Variants in RLN1 observed in about 807,000 individuals in gnomAD.
RLN1 encodes relaxin 1, also known as prorelaxin H1.
RLN1 carries 4 observed loss-of-function variants against 7.2 expected under a neutral mutation model. That is an observed-to-expected ratio of 0.56 (90% CI 0.28 to 1.28). The LOEUF (loss-of-function observed/expected upper bound fraction) is 1.28, where lower values mean the gene tolerates loss of function less well. RLN1 is among the 50% of genes most tolerant of loss of function. RLN1 has a pLI of 0.11. For synonymous variants in RLN1, 105 were observed against 86.0 expected (o/e 1.22, Z -1.22); for missense variants, 293 against 221.1 (o/e 1.32, Z -2.06).
intron 1 of RLN1, among the ~76,000 whole-genome samples, chr9:5,335,930 T>G (rs1157826444): frequency 6.6e-6 from 1 of 152,072 alleles, no homozygotes; most frequent in African/African-American, 2.4e-5. Flanking sequence ...TTGGAAACAG[T>G]TTGGCCACAC....
chr9:5,339,482 C>G, intron 1 of RLN1, 54 bp downstream of exon 1: 1 of 1,334,262 alleles, frequency 7.5e-7, no homozygotes, highest in Non-Finnish European at 1.0e-6. Context: ...GGCGGCCGCC[C>G]CAGAGTAACC....
At chr9:5,336,918 G>C (rs1816906704) in intron 1 of RLN1, among the ~76,000 whole-genome samples, 1 of 151,902 alleles carries the variant, frequency 6.6e-6, no homozygotes, top group African/African-American at 2.4e-5. Flanking sequence ...CCTGAGTTTT[G>C]TGGCAAAAGA....
At chr9:5,339,973 C>A, upstream of RLN1, 1 of 583,296 alleles carries the variant, frequency 1.7e-6, no homozygotes, top group Non-Finnish European at 3.1e-6. Context: ...AGCTCTTGTT[C>A]TGCCTCTCCG....
chr9:5,337,744 G>A (rs1816927827), intron 1 of RLN1, among the ~76,000 whole-genome samples: 2 of 151,956 alleles, frequency 1.3e-5, no homozygotes, highest in Admixed American at 1.3e-4. Flanking sequence ...GTTACTTTCA[G>A]TTAAATTATA....
chr9:5,339,314 T>TTCCC (rs1449092833), intron 1 of RLN1: 1 of 431,116 alleles, frequency 2.3e-6, no homozygotes, highest in East Asian at 3.6e-5. Context: ...TCTCAGTGCT[T>TTCCC]TCCCTCCGTC....
rs559618754 is a variant in RLN1 at position 5,337,383 on chromosome 9, C to G, written c.212-1786G>C. 7.2e-5 allele frequency among the ~76,000 whole-genome samples: 11 copies of G among 152,092 alleles called. No individual in the cohort carries two copies. In the South Asian group the frequency reaches 1.9e-3, roughly 26 times the overall value. On this transcript the variant is annotated intron_variant, in intron 1 of 1. Transcript: ENST00000223862. ...AACCTGTTTTGAAATATTTCATAAT[C>G]CATAACACTTTTAGCTATGGAACCT... is the stretch of plus-strand genomic sequence containing the variant.
intron 1 of RLN1, among the ~76,000 whole-genome samples, chr9:5,336,015 C>T (rs1053027408): frequency 1.4e-4 from 21 of 152,120 alleles, no homozygotes; most frequent in African/African-American, 4.6e-4. Context: ...TCTGATATTA[C>T]GAGTTGTAGT....
chr9:5,337,260 T>G (rs913706023), intron 1 of RLN1, among the ~76,000 whole-genome samples: 1 of 152,076 alleles, frequency 6.6e-6, no homozygotes, highest in Non-Finnish European at 1.5e-5. Context: ...TTCTGTATAC[T>G]TAAAGCCAGT....
In RLN1 at chr9:5,335,197, T is replaced by C. The variant is rs1305949579; in HGVS notation, c.*54A>G. On this transcript the variant is annotated 3_prime_UTR_variant, in exon 2 of 2. Coordinates refer to ENST00000223862, the MANE Select transcript of RLN1 (RefSeq NM_006911.4). ...GGACCTGACAGAAGCATCAGTGAAA[T>C]GTCATCAAGACTATGTGTGAAAATT... 1.9e-6 allele frequency: 2 copies of C among 1,060,956 alleles called. No homozygotes were observed. The highest frequency in any genetic ancestry group is 4.9e-5 in the East Asian group (2 of 41,024). The allele number at this position is 1,060,956 out of a possible 1,614,324, so 65.7% of individuals were successfully genotyped here.
chr9:5,339,428 C>T, intron 1 of RLN1, 108 bp downstream of exon 1: 1 of 707,406 alleles, frequency 1.4e-6, no homozygotes, highest in Non-Finnish European at 2.3e-6. Flanking sequence ...GCGGTGGCAG[C>T]CAATGAGATC....
intron 1 of RLN1, among the ~76,000 whole-genome samples, chr9:5,337,801 T>G (rs1816929609): frequency 6.6e-6 from 1 of 152,062 alleles, no homozygotes. Context: ...TGAAATCTCA[T>G]GTCTCTTCTA....
intron 1 of RLN1, among the ~76,000 whole-genome samples, chr9:5,336,792 AGAGAG>A (rs1816903448): frequency 6.6e-6 from 1 of 151,976 alleles, no homozygotes; most frequent in South Asian, 2.1e-4. Context: ...AAGAAAGAGA[AGAGAG>A]GAGTAAATCT....
chr9:5,340,136 C>T (rs1161717335), upstream of RLN1, among the ~76,000 whole-genome samples: 3 of 152,096 alleles, frequency 2.0e-5, no homozygotes, highest in East Asian at 1.9e-4. Context: ...AAATTGAGAT[C>T]GCCAATATTC....
intron 1 of RLN1, among the ~76,000 whole-genome samples, 191 bp from the exon 2 acceptor site, chr9:5,335,788 A>G (rs1816877630): frequency 6.6e-6 from 1 of 151,960 alleles, no homozygotes; most frequent in Non-Finnish European, 1.5e-5. Flanking sequence ...AAGTACCATA[A>G]TTTTACCAAG....
intron 1 of RLN1, among the ~76,000 whole-genome samples, chr9:5,336,070 G>A (rs140077480): frequency 7.2e-5 from 11 of 151,954 alleles, no homozygotes; most frequent in South Asian, 2.1e-4. Flanking sequence ...TCAATGTTTC[G>A]TGGTGGGAAT....
upstream of RLN1, among the ~76,000 whole-genome samples, chr9:5,340,114 T>A (rs192940976): frequency 4.6e-3 from 705 of 152,324 alleles, 3 homozygotes; most frequent in Admixed American, 0.013. Context: ...TCTTTTTACA[T>A]ACACAGAAAT....
chr9:5,336,058 A>C (rs1816884759), intron 1 of RLN1, among the ~76,000 whole-genome samples: 1 of 151,900 alleles, frequency 6.6e-6, no homozygotes, highest in Admixed American at 6.6e-5. Context: ...ATTTTAAGCT[A>C]CTCAATGTTT....
chr9:5,335,671 T>C (rs1402185271), intron 1 of RLN1, 74 bp from the exon 2 acceptor site: 6 of 873,978 alleles, frequency 6.9e-6, no homozygotes, highest in Non-Finnish European at 1.1e-5. Flanking sequence ...CTGTGAATGT[T>C]TGCATACACA....
rs1423774760 is a variant in RLN1 at position 5,337,459 on chromosome 9, CTG to C, written c.212-1864_212-1863del. 3.3e-5 allele frequency among the ~76,000 whole-genome samples: 5 copies of C among 152,024 alleles called. 1 individual carries two copies. Among genetic ancestry groups the C allele is most frequent in the African/African-American group, 1.2e-4 (5 of 41,378 alleles). On this transcript the variant is annotated intron_variant, in intron 1 of 1. Transcript: ENST00000223862. ...AATTCATGCAAATACCCTTAATTCA[CTG>C]TATTTTGGATGCAAATCTTACTGAA...
Sources: allele counts gnomAD v4.1 joint callset (sites outside exome capture counted in the v4.1 genomes callset), GRCh38; gene constraint gnomAD v4.1.1; transcripts MANE v1.5; gene names NCBI Gene and HGNC (gene_info 2026-07-23, HGNC 2026-07-21).